Variants in OCA2 observed in about 807,000 individuals in gnomAD.
OCA2 encodes the protein OCA2 melanosomal transmembrane protein.
Under a neutral mutation model 100.2 loss-of-function variants are expected in OCA2, and 77 were observed. The ratio of observed to expected loss-of-function variants is 0.77; its 90% confidence interval spans 0.64 to 0.93. OCA2 has a LOEUF of 0.93. Ranked by LOEUF, OCA2 falls within the 40% of genes least tolerant of loss-of-function variation. The pLI, the probability that OCA2 is intolerant of heterozygous loss-of-function variation, is 0.00. For synonymous variants in OCA2, 432 were observed against 439.2 expected (o/e 0.98, Z 0.21); for missense variants, 1,062 against 1,089.1 (o/e 0.98, Z 0.35).
chr15:28,083,099 C>G (rs1000295625), intron 1 of OCA2, among the ~76,000 whole-genome samples: 2 of 152,212 alleles, frequency 1.3e-5, no homozygotes, highest in South Asian at 2.1e-4. Context: ...CTGGAGTTAG[C>G]ACAGTAGTGT....
chr15:27,913,026 G>A (rs1363053449), intron 19 of OCA2, among the ~76,000 whole-genome samples: 1 of 152,100 alleles, frequency 6.6e-6, no homozygotes, highest in African/African-American at 2.4e-5. Flanking sequence ...TCTCTACAAG[G>A]TAACTAACTA....
chr15:27,822,341 T>A (rs1028499542), intron 23 of OCA2, among the ~76,000 whole-genome samples: 2 of 152,218 alleles, frequency 1.3e-5, no homozygotes, highest in Non-Finnish European at 2.9e-5. Flanking sequence ...TTCTTGAGAA[T>A]CTTCCATGCT....
chr15:28,053,364 G>A (rs964844838), intron 2 of OCA2, among the ~76,000 whole-genome samples: 4 of 152,060 alleles, frequency 2.6e-5, no homozygotes, highest in Admixed American at 6.6e-5. Flanking sequence ...ACCAGGAAAC[G>A]CCCCCCAACC....
intron 9 of OCA2, among the ~76,000 whole-genome samples, chr15:28,011,219 C>T (rs546240549): frequency 2.7e-4 from 41 of 152,290 alleles, no homozygotes; most frequent in African/African-American, 9.6e-4. Flanking sequence ...AATCTTAGCA[C>T]TTTAAGAAGC....
intron 2 of OCA2, among the ~76,000 whole-genome samples, chr15:28,062,092 A>T (rs1165041075): frequency 6.6e-6 from 1 of 152,244 alleles, no homozygotes; most frequent in Non-Finnish European, 1.5e-5. Context: ...CTAGTAACAG[A>T]AATGCTGTAT....
At chr15:28,023,756 C>T (rs1051082916) in intron 5 of OCA2, among the ~76,000 whole-genome samples, 1 of 152,164 alleles carries the variant, frequency 6.6e-6, no homozygotes, top group Non-Finnish European at 1.5e-5. Context: ...AAAGCACAGG[C>T]ACAACCCATC....
intron 23 of OCA2, among the ~76,000 whole-genome samples, chr15:27,796,658 G>A (rs1036254340): frequency 5.9e-5 from 9 of 152,244 alleles, no homozygotes; most frequent in African/African-American, 1.9e-4. Context: ...GGCTAAGCAC[G>A]GAGTCCTGCC....
At chr15:27,821,619 CAT>C (rs1298258616) in intron 23 of OCA2, among the ~76,000 whole-genome samples, 1 of 147,810 alleles carries the variant, frequency 6.8e-6, no homozygotes, top group Non-Finnish European at 1.5e-5. Flanking sequence ...AGTACACATA[CAT>C]GTGTGCACAC....
intron 23 of OCA2, among the ~76,000 whole-genome samples, chr15:27,802,585 T>A (rs1320043760): frequency 6.6e-6 from 1 of 152,162 alleles, no homozygotes; most frequent in East Asian, 1.9e-4. Context: ...AATGAAACAG[T>A]GTAAATATAG....
the OCA2 span, among the ~76,000 whole-genome samples, chr15:27,721,919 A>T: frequency 7.2e-5 from 11 of 152,248 alleles, no homozygotes; most frequent in Non-Finnish European, 1.3e-4. Flanking sequence ...CCCACTTTTT[A>T]AAAATCCAAG....
At chr15:27,744,318 A>C in the OCA2 span, among the ~76,000 whole-genome samples, 1 of 152,186 alleles carries the variant, frequency 6.6e-6, no homozygotes, top group Admixed American at 6.5e-5. Context: ...AAGCAAGCAA[A>C]AGCAGGATGG....
chr15:27,871,531 G>A (rs1017299167), intron 20 of OCA2, among the ~76,000 whole-genome samples: 1 of 152,226 alleles, frequency 6.6e-6, no homozygotes, highest in Non-Finnish European at 1.5e-5. Context: ...TGGTGGCTGC[G>A]CACACTGGTC....
intron 23 of OCA2, among the ~76,000 whole-genome samples, chr15:27,797,031 C>T: frequency 6.6e-6 from 1 of 152,188 alleles, no homozygotes; most frequent in East Asian, 1.9e-4. Context: ...CAGTCATGAG[C>T]ATTTCCTGGA....
chr15:27,950,473 G>T (rs747998738), intron 18 of OCA2: 2 of 498,318 alleles, frequency 4.0e-6, no homozygotes, highest in East Asian at 1.1e-4. Context: ...TACCACTCCA[G>T]CTTTGGATCA....
intron 19 of OCA2, among the ~76,000 whole-genome samples, chr15:27,887,931 A>C (rs999758571): frequency 4.6e-5 from 7 of 151,488 alleles, no homozygotes. Flanking sequence ...TGGTGAGTGG[A>C]CAGAACCTGA....
rs116770455 is a variant in OCA2, at chr15:27,848,038, A to G, written c.2339-2986T>C. Among the ~76,000 whole-genome samples the G allele has an allele frequency of 8.6e-3, 1,304 of 152,314 alleles. 31 individuals carry two copies. The highest frequency in any genetic ancestry group is 0.029 in the African/African-American group (1,222 of 41,572). On this transcript the variant is annotated intron_variant, in intron 22 of 23. Coordinates refer to ENST00000354638, the MANE Select transcript of OCA2 (RefSeq NM_000275.3). ...CCTCACCACGCATCCAGACATGACC[A>G]TGGCCAGAGGAGGGAGCGGGACCCC...
intron 6 of OCA2, among the ~76,000 whole-genome samples, chr15:28,021,160 T>C (rs1015438230): frequency 1.3e-5 from 2 of 152,212 alleles, no homozygotes; most frequent in Admixed American, 6.5e-5. Context: ...ATCAGAGCAC[T>C]GCATCGGAGG....
At chr15:28,078,645 C>T (rs57941797) in intron 2 of OCA2, among the ~76,000 whole-genome samples, 2,057 of 152,322 alleles carry the variant, frequency 0.014, 55 homozygotes, top group African/African-American at 0.047. Context: ...CAGCTGAACA[C>T]TGAGATGCTA....
intron 2 of OCA2, among the ~76,000 whole-genome samples, chr15:28,062,036 A>G (rs980033525): frequency 1.3e-5 from 2 of 152,206 alleles, no homozygotes; most frequent in African/African-American, 4.8e-5. Flanking sequence ...ACACATATGC[A>G]CAAGTTTTAC....
Sources: allele counts gnomAD v4.1 joint callset (sites outside exome capture counted in the v4.1 genomes callset), GRCh38; gene constraint gnomAD v4.1.1; transcripts MANE v1.5; gene names NCBI Gene and HGNC (gene_info 2026-07-23, HGNC 2026-07-21).